The following SP4 variants were observed in gnomAD, a reference collection of about 807,000 sequenced individuals.
SP4 encodes the protein Sp4 transcription factor.
Under a neutral mutation model 72.8 loss-of-function variants are expected in SP4, and 19 were observed. That is an observed-to-expected ratio of 0.26 (90% CI 0.18 to 0.38). The LOEUF is 0.38. Ranked by LOEUF, SP4 falls within the 10% of genes least tolerant of loss-of-function variation. The pLI, the probability that SP4 is intolerant of heterozygous loss-of-function variation, is 1.00. For synonymous variants in SP4, 395 were observed against 333.1 expected (o/e 1.19, Z -2.02); for missense variants, 1,008 against 926.3 (o/e 1.09, Z -1.14).
rs1268709776 is a variant in SP4, at chr7:21,435,252, TTAATAA to T, written c.1678+4413_1678+4418del. On this transcript the variant is annotated intron_variant, in intron 3 of 5. Coordinates refer to ENST00000222584, the MANE Select transcript of SP4 (RefSeq NM_003112.5). ...GTTCTCCCACAGAGGAAGTTCAGAC[TTAATAA>T]TAAGATACTGCTGACCCTTCAAGAA... is the stretch of plus-strand genomic sequence containing the variant. Among the ~76,000 whole-genome samples, 8 of 152,312 alleles carry T rather than the reference TTAATAA, an allele frequency of 5.3e-5. No individual in the cohort carries two copies. In the East Asian group the frequency reaches 5.8e-4, roughly 11 times the overall value.
At chr7:21,480,062 A>C (rs1321211602) in intron 4 of SP4, among the ~76,000 whole-genome samples, 1 of 152,140 alleles carries the variant, frequency 6.6e-6, no homozygotes, top group East Asian at 1.9e-4. Context: ...ATCTGTGAAC[A>C]GAGATAGTTT....
chr7:21,434,817 A>ATTTTTTTTTTTTTT (rs35111163), intron 3 of SP4, among the ~76,000 whole-genome samples: 1 of 139,116 alleles, frequency 7.2e-6, no homozygotes, highest in Non-Finnish European at 1.6e-5. Flanking sequence ...ATGTGTAATC[A>ATTTTTTTTTTTTTT]TTTTTTTTTT....
chr7:21,440,933 C>T (rs570178545), intron 3 of SP4, among the ~76,000 whole-genome samples: 2 of 152,308 alleles, frequency 1.3e-5, no homozygotes, highest in South Asian at 4.1e-4. Context: ...AACTAAATGT[C>T]TGCTGTCTGA....
At chr7:21,499,367 A>G (rs1293048398) in intron 5 of SP4, among the ~76,000 whole-genome samples, 1 of 152,194 alleles carries the variant, frequency 6.6e-6, no homozygotes, top group Non-Finnish European at 1.5e-5. Context: ...TGCAGATGAA[A>G]TGAAGTTAAA....
At position 21,428,842 on chromosome 7, in the gene SP4, A is replaced by G. The variant is rs200980848; in HGVS notation, c.123+50A>G. Reference sequence around the variant, plus strand: ...TTCATCACGACACATTAGGAGAGAGAGGGAGTTATGCCCTTTGAATGTCCA... The same window carrying G: ...TTCATCACGACACATTAGGAGAGAGGGGGAGTTATGCCCTTTGAATGTCCA... On this transcript the variant is annotated intron_variant, in intron 2 of 5. Coordinates refer to ENST00000222584, the MANE Select transcript of SP4 (RefSeq NM_003112.5). The G allele has an allele frequency of 1.0e-3, 1,416 of 1,378,380 alleles. 15 individuals are homozygous for G. Among genetic ancestry groups the G allele is most frequent in the Non-Finnish European group, 1.2e-4 (121 of 1,003,768 alleles). 85.4% of individuals were successfully genotyped at this position (1,378,380 alleles called of 1,614,324 possible). A position where few individuals can be genotyped will look rare whatever the true frequency, so the allele number is the denominator to read the frequency against.
chr7:21,473,796 C>T (rs1027794958), intron 3 of SP4, among the ~76,000 whole-genome samples: 7 of 151,966 alleles, frequency 4.6e-5, no homozygotes, highest in Non-Finnish European at 1.0e-4. Context: ...TATTTGAGGG[C>T]CAGAAGAGAG....
At chr7:21,468,054 A>C (rs1159462738) in intron 3 of SP4, among the ~76,000 whole-genome samples, 2 of 152,122 alleles carry the variant, frequency 1.3e-5, no homozygotes, top group African/African-American at 4.8e-5. Context: ...AATGTTACTT[A>C]CTATTTACTA....
intron 4 of SP4, among the ~76,000 whole-genome samples, chr7:21,481,661 A>G (rs967418193): frequency 1.3e-4 from 20 of 152,150 alleles, no homozygotes; most frequent in African/African-American, 4.3e-4. Flanking sequence ...TCCCAAGGGA[A>G]GAGCCCACTA....
intron 5 of SP4, among the ~76,000 whole-genome samples, chr7:21,494,429 G>C (rs1370094988): frequency 6.6e-6 from 1 of 152,186 alleles, no homozygotes; most frequent in African/African-American, 2.4e-5. Context: ...AGTTTGGCAA[G>C]GTTGCCAGAT....
At chr7:21,431,471 A>ATAAAATTATAT (rs1294111479) in intron 3 of SP4, among the ~76,000 whole-genome samples, 1 of 152,214 alleles carries the variant, frequency 6.6e-6, no homozygotes, top group African/African-American at 2.4e-5. Flanking sequence ...TCCTTCATTT[A>ATAAAATTATAT]TAAAATTATA....
chr7:21,428,200 A>G lies in SP4; in HGVS notation c.-52A>G. 3 of 264,660 alleles carry G rather than the reference A, an allele frequency of 1.1e-5. No individual in the cohort carries two copies. Among genetic ancestry groups the G allele is most frequent in the Non-Finnish European group, 1.4e-5 (2 of 141,192 alleles). The allele number at this position is 264,660 out of a possible 1,614,324, so 16.4% of individuals were successfully genotyped here. The stretch of plus-strand genomic sequence containing the variant: ...CTCCTCCCGCCTCGCCCCCACCCCC[A>G]CCCACCTCTATCCCAGTGTCTCCGT... On this transcript the variant is annotated 5_prime_UTR_variant, in exon 1 of 6. Transcript: ENST00000222584.
At chr7:21,480,557 A>G (rs529997147) in intron 4 of SP4, among the ~76,000 whole-genome samples, 5 of 152,232 alleles carry the variant, frequency 3.3e-5, no homozygotes, top group East Asian at 1.9e-4. Context: ...TTTTGTTTCT[A>G]TAAGGTTGGT....
intron 3 of SP4, among the ~76,000 whole-genome samples, chr7:21,460,041 G>C (rs185358097): frequency 2.0e-5 from 3 of 152,272 alleles, no homozygotes; most frequent in Admixed American, 2.0e-4. Flanking sequence ...TGAGAGCCAG[G>C]GCAGAAATAA....
chr7:21,445,403 T>C (rs1029535791), intron 3 of SP4, among the ~76,000 whole-genome samples: 2 of 152,180 alleles, frequency 1.3e-5, no homozygotes, highest in African/African-American at 4.8e-5. Context: ...GAATTTATGT[T>C]CTTTAGCTAA....
chr7:21,491,568 G>A (rs1784978380), intron 5 of SP4, among the ~76,000 whole-genome samples: 1 of 152,030 alleles, frequency 6.6e-6, no homozygotes, highest in Non-Finnish European at 1.5e-5. Context: ...TGAATCCCAA[G>A]CAGAAACTAA....
intron 5 of SP4, chr7:21,482,491 C>A: frequency 8.8e-6 from 2 of 226,584 alleles, no homozygotes; most frequent in Non-Finnish European, 1.4e-5. Flanking sequence ...TTTTTTTTTT[C>A]TTAACAAATC....
intron 2 of SP4, 56 bp from the exon 3 acceptor site, chr7:21,429,233 A>G: frequency 2.0e-6 from 2 of 1,016,442 alleles, no homozygotes; most frequent in Non-Finnish European, 2.9e-6. Flanking sequence ...GGCCTCCACT[A>G]AATCCGCCCA....
At chr7:21,475,737 A>T (rs1784481164) in intron 3 of SP4, among the ~76,000 whole-genome samples, 1 of 152,160 alleles carries the variant, frequency 6.6e-6, no homozygotes, top group South Asian at 2.1e-4. Context: ...GACATATTTT[A>T]TTCTTGTATT....
At chr7:21,488,416 C>G (rs1784879859) in intron 5 of SP4, among the ~76,000 whole-genome samples, 1 of 150,238 alleles carries the variant, frequency 6.7e-6, no homozygotes, top group Non-Finnish European at 1.5e-5. Flanking sequence ...TCTTCCTTGA[C>G]AATTTATTTT....
Sources: gnomAD v4.1 joint callset for allele counts (sites outside exome capture counted in the v4.1 genomes callset) on GRCh38, gnomAD v4.1.1 for gene constraint, MANE v1.5 for transcripts, NCBI Gene and HGNC (gene_info 2026-07-23, HGNC 2026-07-21) for gene names.